Variants in HSPA1A observed in about 807,000 individuals in gnomAD.
HSPA1A encodes the protein heat shock protein family A (Hsp70) member 1A, also known as heat shock 70 kDa protein 1A.
HSPA1A carries 5 observed loss-of-function variants against 8.8 expected under a neutral mutation model. The observed-to-expected ratio is 0.57, with a 90% CI of 0.30 to 1.19. HSPA1A has a LOEUF of 1.19. HSPA1A is among the 50% of genes most tolerant of loss of function. HSPA1A has a pLI of 0.08. For synonymous variants in HSPA1A, 112 were observed against 188.4 expected (o/e 0.59, Z 3.32); for missense variants, 207 against 430.7 (o/e 0.48, Z 4.60).
Position 31,817,677 on chromosome 6 carries a change from G to C in HSPA1A, c.1921G>C (p.Asp641His). 1 of 1,608,620 alleles carries C rather than the reference G, an allele frequency of 6.2e-7. No homozygotes were observed. Among genetic ancestry groups the C allele is most frequent in the Non-Finnish European group, 8.5e-7 (1 of 1,177,542 alleles). The change falls in exon 1 of 1, where the codon GAT becomes CAT. Residue 641 changes from aspartate to histidine, a missense_variant. Transcript: ENST00000375651. ...GTCAGGCCCCACCATTGAGGAGGTA[G>C]ATTAGGGGCCTTTCCAAGATTGCTG... ...SGSGPTIEEV[D>H]
chr6:31,817,898 T>C lies in HSPA1A; in HGVS notation c.*216T>C. 1.4e-6 allele frequency: 2 copies of C among 1,409,024 alleles called. No homozygotes were observed. The highest frequency in any genetic ancestry group is 1.8e-6 in the Non-Finnish European group (2 of 1,082,336). 87.3% of individuals were successfully genotyped at this position (1,409,024 alleles called of 1,614,324 possible). ...TTTTTAATACACTTAACTCAGGCCATTTTTTAAGTTGGTTACTTCAAAGTA... is the reference window on the plus strand; with the variant it reads ...TTTTTAATACACTTAACTCAGGCCACTTTTTAAGTTGGTTACTTCAAAGTA... On this transcript the variant is annotated 3_prime_UTR_variant, in exon 1 of 1. Transcript: ENST00000375651.
chr6:31,817,860 C>A lies in HSPA1A; in HGVS notation c.*178C>A. ...GAGATGAATTTATACTGCCATCTTACGACTATTTCTTCTTTTTAATACACT... is the reference window on the plus strand; with the variant it reads ...GAGATGAATTTATACTGCCATCTTAAGACTATTTCTTCTTTTTAATACACT... On this transcript the variant is annotated 3_prime_UTR_variant, in exon 1 of 1. Coordinates refer to ENST00000375651, the MANE Select transcript of HSPA1A (RefSeq NM_005345.6). 6.9e-7 allele frequency: 1 copy of A among 1,441,924 alleles called. No individual in the cohort carries two copies. The highest frequency in any genetic ancestry group is 9.1e-7 in the Non-Finnish European group (1 of 1,096,870). 89.3% of individuals were successfully genotyped at this position (1,441,924 alleles called of 1,614,324 possible).
rs1449727821 is a variant in HSPA1A, at chr6:31,815,651, C to T, written c.-106C>T. 2.0e-5 allele frequency: 33 copies of T among 1,612,040 alleles called. No individual in the cohort carries two copies. The highest frequency in any genetic ancestry group is 5.5e-5 in the South Asian group (5 of 91,020). ...ACCTGTGCGGCTGCAGGCACCGGCG[C>T]GTCGAGTTTCCGGCGTCCGGAAGGA... is the stretch of plus-strand genomic sequence containing the variant. On this transcript the variant is annotated 5_prime_UTR_variant, in exon 1 of 1. Coordinates refer to ENST00000375651, the MANE Select transcript of HSPA1A (RefSeq NM_005345.6).
Position 31,816,083 on chromosome 6 carries a change from G to A in HSPA1A, c.327G>A (p.Gly109=), listed in dbSNP as rs1469262634. Residue 109 remains glycine, a synonymous_variant, in exon 1 of 1, where the codon GGG becomes GGA. Coordinates refer to ENST00000375651, the MANE Select transcript of HSPA1A (RefSeq NM_005345.6). ...CCAAGGTGCAGGTGAGCTACAAGGG[G>A]GAGACCAAGGCATTCTACCCCGAGG... ...DKPKVQVSYK[G]ETKAFYPEEI... The A allele has an allele frequency of 1.6e-6, 1 of 633,020 alleles. No individual in the cohort carries two copies. The highest frequency in any genetic ancestry group is 2.4e-6 in the Non-Finnish European group (1 of 408,764). The allele number at this position is 633,020 out of a possible 1,614,324, so 39.2% of individuals were successfully genotyped here. A position where few individuals can be genotyped will look rare whatever the true frequency, so the allele number is the denominator to read the frequency against.
Position 31,817,810 on chromosome 6 carries a change from G to T in HSPA1A, c.*128G>T. 6.8e-7 allele frequency: 1 copy of T among 1,469,570 alleles called. No homozygotes were observed. 91.0% of individuals were successfully genotyped at this position (1,469,570 alleles called of 1,614,324 possible). On this transcript the variant is annotated 3_prime_UTR_variant, in exon 1 of 1. Coordinates refer to ENST00000375651, the MANE Select transcript of HSPA1A (RefSeq NM_005345.6). ...AATTTTTTGGTGAAGTACTGAACTTGCTTTTTTTCCGGTTTCTACATGCAG... is the reference window on the plus strand; with the variant it reads ...AATTTTTTGGTGAAGTACTGAACTTTCTTTTTTTCCGGTTTCTACATGCAG...
In HSPA1A at chr6:31,816,313, A is replaced by G. The variant is rs1422262645; in HGVS notation, c.557A>G (p.Asp186Gly). The G allele has an allele frequency of 8.6e-6, 2 of 231,756 alleles. No individual in the cohort carries two copies. The highest frequency in any genetic ancestry group is 2.9e-4 in the African/African-American group (2 of 6,894). 14.4% of individuals were successfully genotyped at this position (231,756 alleles called of 1,614,324 possible). ...GCCGCCGCCATCGCCTACGGCCTGG[A>G]CAGAACGGGCAAGGGGGAGCGCAAC... is the stretch of plus-strand genomic sequence containing the variant. ...PTAAAIAYGL[D>G]RTGKGERNVL... The change falls in exon 1 of 1, where the codon GAC becomes GGC. Residue 186 changes from aspartate (D) to glycine (G), a missense_variant. Coordinates refer to ENST00000375651, the MANE Select transcript of HSPA1A (RefSeq NM_005345.6).
At position 31,815,670 on chromosome 6, in the gene HSPA1A, G is replaced by C. The variant is rs1333032792; in HGVS notation, c.-87G>C. Reference sequence around the variant, plus strand: ...CCGGCGCGTCGAGTTTCCGGCGTCCGGAAGGACCGAGCTCTTCTCGCGGAT... The same window carrying C: ...CCGGCGCGTCGAGTTTCCGGCGTCCCGAAGGACCGAGCTCTTCTCGCGGAT... On this transcript the variant is annotated 5_prime_UTR_variant, in exon 1 of 1. Coordinates refer to ENST00000375651, the MANE Select transcript of HSPA1A (RefSeq NM_005345.6). The C allele has an allele frequency of 2.8e-5, 45 of 1,612,984 alleles. No individual in the cohort carries two copies. Among genetic ancestry groups the C allele is most frequent in the Non-Finnish European group, 3.3e-5 (39 of 1,179,886 alleles).
In HSPA1A at chr6:31,816,297, A is replaced by G; in HGVS notation, c.541A>G (p.Ile181Val). The change falls in exon 1 of 1, where the codon ATC (isoleucine) becomes GTC (valine). Residue 181 changes from isoleucine (I) to valine (V), a missense_variant. Transcript: ENST00000375651. ...CATCAACGAGCCCACGGCCGCCGCCATCGCCTACGGCCTGGACAGAACGGG... is the reference window on the plus strand; with the variant it reads ...CATCAACGAGCCCACGGCCGCCGCCGTCGCCTACGGCCTGGACAGAACGGG... ...RIINEPTAAA[I>V]AYGLDRTGKG... The G allele has an allele frequency of 3.9e-6, 1 of 254,536 alleles. No homozygotes were observed. Among genetic ancestry groups the G allele is most frequent in the Non-Finnish European group, 6.8e-6 (1 of 146,646 alleles). The allele number at this position is 254,536 out of a possible 1,614,324, so 15.8% of individuals were successfully genotyped here.
Position 31,815,586 on chromosome 6 carries a change from T to C in HSPA1A, c.-171T>C. ...CTGCTGCGACAGTCCACTACCTTTTTCGAGAGTGACTCCCGTTGTCCCAAG... is the reference window on the plus strand; with the variant it reads ...CTGCTGCGACAGTCCACTACCTTTTCCGAGAGTGACTCCCGTTGTCCCAAG... On this transcript the variant is annotated 5_prime_UTR_variant, in exon 1 of 1. Transcript: ENST00000375651. 3 of 1,503,870 alleles carry C rather than the reference T, an allele frequency of 2.0e-6. No homozygotes were observed. The highest frequency in any genetic ancestry group is 1.2e-5 in the South Asian group (1 of 85,666). The allele number at this position is 1,503,870 out of a possible 1,614,324, so 93.2% of individuals were successfully genotyped here.
rs41269725 is a variant in HSPA1A, at chr6:31,815,729, C to A, written c.-28C>A. ...CCGTTTCCAGCCCCCAATCTCAGAGCGGAGCCGACAGAGAGCAGGGAACCG... is the reference window on the plus strand; with the variant it reads ...CCGTTTCCAGCCCCCAATCTCAGAGAGGAGCCGACAGAGAGCAGGGAACCG... On this transcript the variant is annotated 5_prime_UTR_variant, in exon 1 of 1. Coordinates refer to ENST00000375651, the MANE Select transcript of HSPA1A (RefSeq NM_005345.6). 6.9e-4 allele frequency: 1,117 copies of A among 1,613,878 alleles called. 8 individuals are homozygous for A. In the African/African-American group the frequency reaches 8.7e-3, roughly 13 times the overall value.
rs367576856 is a variant in HSPA1A at position 31,815,803 on chromosome 6, C to A, written c.47C>A (p.Ser16Tyr). The A allele has an allele frequency of 1.4e-5, 22 of 1,613,130 alleles. No homozygotes were observed. Among genetic ancestry groups the A allele is most frequent in the Non-Finnish European group, 1.8e-5 (21 of 1,179,806 alleles). ...GGCATCGACCTGGGCACCACCTACT[C>A]CTGCGTGGGGGTGTTCCAACACGGC... is the stretch of plus-strand genomic sequence containing the variant. ...AIGIDLGTTY[S>Y]CVGVFQHGKV... Residue 16 changes from serine to tyrosine, a missense_variant, in exon 1 of 1, where the codon TCC (serine) becomes TAC (tyrosine). Around this residue, in one of 5 missense-constraint regions of HSPA1A, gnomAD observed 129 missense variants for 173.1 expected, o/e 0.75. Coordinates refer to ENST00000375651, the MANE Select transcript of HSPA1A (RefSeq NM_005345.6).
chr6:31,815,820 C>T lies in HSPA1A; in HGVS notation c.64C>T (p.Gln22Ter). The T allele has an allele frequency of 6.2e-7, 1 of 1,611,738 alleles. No individual in the cohort carries two copies. The highest frequency in any genetic ancestry group is 1.7e-5 in the Admixed American group (1 of 59,896). Reference sequence around the variant, plus strand: ...CACCTACTCCTGCGTGGGGGTGTTCCAACACGGCAAGGTGGAGATCATCGC... The same window carrying T: ...CACCTACTCCTGCGTGGGGGTGTTCTAACACGGCAAGGTGGAGATCATCGC... ...GTTYSCVGVF[Q>*]HGKVEIIAND... Residue 22 changes from glutamine to a stop codon, truncating the protein, a stop_gained, in exon 1 of 1, where the codon CAA (glutamine) becomes TAA (stop). Transcript: ENST00000375651. LOFTEE classifies it high-confidence loss of function.
Position 31,815,589 on chromosome 6 carries a change from A to G in HSPA1A, c.-168A>G. On this transcript the variant is annotated 5_prime_UTR_variant, in exon 1 of 1. Coordinates refer to ENST00000375651, the MANE Select transcript of HSPA1A (RefSeq NM_005345.6). ...CTGCGACAGTCCACTACCTTTTTCG[A>G]GAGTGACTCCCGTTGTCCCAAGGCT... The G allele has an allele frequency of 6.6e-7, 1 of 1,512,622 alleles. No homozygotes were observed. Among genetic ancestry groups the G allele is most frequent in the Admixed American group, 1.9e-5 (1 of 52,958 alleles). The allele number at this position is 1,512,622 out of a possible 1,614,324, so 93.7% of individuals were successfully genotyped here.
rs868321380 is a variant in HSPA1A, at chr6:31,815,704, C to T, written c.-53C>T. 1.9e-6 allele frequency: 3 copies of T among 1,613,684 alleles called. No individual in the cohort carries two copies. Among genetic ancestry groups the T allele is most frequent in the Non-Finnish European group, 1.7e-6 (2 of 1,179,970 alleles). On this transcript the variant is annotated 5_prime_UTR_variant, in exon 1 of 1. Transcript: ENST00000375651. ...GAGCTCTTCTCGCGGATCCAGTGTT[C>T]CGTTTCCAGCCCCCAATCTCAGAGC...
At position 31,815,735 on chromosome 6, in the gene HSPA1A, C is replaced by A; in HGVS notation, c.-22C>A. 8 of 1,613,940 alleles carry A rather than the reference C, an allele frequency of 5.0e-6. No homozygotes were observed. Among genetic ancestry groups the A allele is most frequent in the Non-Finnish European group, 6.8e-6 (8 of 1,180,012 alleles). On this transcript the variant is annotated 5_prime_UTR_variant, in exon 1 of 1. Transcript: ENST00000375651. ...CCAGCCCCCAATCTCAGAGCGGAGCCGACAGAGAGCAGGGAACCGGCATGG... is the reference window on the plus strand; with the variant it reads ...CCAGCCCCCAATCTCAGAGCGGAGCAGACAGAGAGCAGGGAACCGGCATGG...
rs779472283 is a variant in HSPA1A at position 31,815,708 on chromosome 6, T to C, written c.-49T>C. The C allele has an allele frequency of 6.2e-7, 1 of 1,613,666 alleles. No individual in the cohort carries two copies. The highest frequency in any genetic ancestry group is 8.5e-7 in the Non-Finnish European group (1 of 1,179,982). On this transcript the variant is annotated 5_prime_UTR_variant, in exon 1 of 1. Coordinates refer to ENST00000375651, the MANE Select transcript of HSPA1A (RefSeq NM_005345.6). ...TCTTCTCGCGGATCCAGTGTTCCGT[T>C]TCCAGCCCCCAATCTCAGAGCGGAG... is the stretch of plus-strand genomic sequence containing the variant.
At position 31,815,894 on chromosome 6, in the gene HSPA1A, C is replaced by T; in HGVS notation, c.138C>T (p.Asp46=). The T allele has an allele frequency of 6.3e-7, 1 of 1,599,892 alleles. No homozygotes were observed. The highest frequency in any genetic ancestry group is 8.5e-7 in the Non-Finnish European group (1 of 1,174,970). ...CCCCCAGCTACGTGGCCTTCACGGA[C>T]ACCGAGCGGCTCATCGGGGATGCGG... ...RTTPSYVAFT[D]TERLIGDAAK... Residue 46 remains aspartate, a synonymous_variant, in exon 1 of 1, where the codon GAC becomes GAT. Coordinates refer to ENST00000375651, the MANE Select transcript of HSPA1A (RefSeq NM_005345.6).
rs1267465339 is a variant in HSPA1A, at chr6:31,815,570, C to T, written c.-187C>T. The T allele has an allele frequency of 5.7e-6, 8 of 1,396,314 alleles. No individual in the cohort carries two copies. Among genetic ancestry groups the T allele is most frequent in the African/African-American group, 4.3e-5 (3 of 69,684 alleles). The allele number at this position is 1,396,314 out of a possible 1,614,324, so 86.5% of individuals were successfully genotyped here. A position where few individuals can be genotyped will look rare whatever the true frequency, so the allele number is the denominator to read the frequency against. The stretch of plus-strand genomic sequence containing the variant: ...CGGCTAGCCTGAGGAGCTGCTGCGA[C>T]AGTCCACTACCTTTTTCGAGAGTGA... On this transcript the variant is annotated 5_prime_UTR_variant, in exon 1 of 1. Transcript: ENST00000375651.
rs759946698 is a variant in HSPA1A at position 31,817,581 on chromosome 6, G to T, written c.1825G>T (p.Gly609Ter). ...GCAGGTGTGTAACCCCATCATCAGCGGACTGTACCAGGGTGCCGGTGGTCC... is the reference window on the plus strand; with the variant it reads ...GCAGGTGTGTAACCCCATCATCAGCTGACTGTACCAGGGTGCCGGTGGTCC... ...LEQVCNPIIS[G>*]LYQGAGGPGP... The change falls in exon 1 of 1, where the codon GGA becomes TGA. Residue 609 changes from glycine to a stop codon, truncating the protein, a stop_gained. Transcript: ENST00000375651. LOFTEE classifies it low-confidence loss of function (END_TRUNC). 3 of 1,612,824 alleles carry T rather than the reference G, an allele frequency of 1.9e-6. No homozygotes were observed. Among genetic ancestry groups the T allele is most frequent in the Non-Finnish European group, 2.5e-6 (3 of 1,180,006 alleles).
Sources: allele counts gnomAD v4.1 joint callset, GRCh38; gene constraint gnomAD v4.1.1; regional missense constraint gnomAD v4.1.1; transcripts MANE v1.5; gene names NCBI Gene and HGNC (gene_info 2026-07-23, HGNC 2026-07-21).